Variants in RERE observed in about 807,000 individuals in gnomAD.
RERE encodes the protein arginine-glutamic acid dipeptide repeats protein.
In RERE, 40 loss-of-function variants were observed where a neutral mutation model predicts 146.1. That is an observed-to-expected ratio of 0.27 (90% CI 0.21 to 0.36). The LOEUF is 0.36. Ranked by LOEUF, RERE falls within the 10% of genes least tolerant of loss-of-function variation. The pLI is 1.00. For missense variants in RERE, 1,933 were observed against 2,138.7 expected, an observed-to-expected ratio of 0.90 and a Z score of 1.90; for synonymous variants, 1,003 against 866.0, an observed-to-expected ratio of 1.16 and a Z score of -2.78.
chr1:8,672,752 G>A (rs1005972017), intron 1 of RERE, among the ~76,000 whole-genome samples: 1 of 152,072 alleles, frequency 6.6e-6, no homozygotes, highest in African/African-American at 2.4e-5. Context: ...CAATCAATAT[G>A]TCAATCTTAT....
intron 1 of RERE, among the ~76,000 whole-genome samples, chr1:8,767,143 T>C (rs1306549347): frequency 6.6e-6 from 1 of 152,126 alleles, no homozygotes; most frequent in Non-Finnish European, 1.5e-5. Context: ...CTGTAAGTAG[T>C]TGGGTATCAC....
At chr1:8,631,462 C>A (rs1361549186) in intron 2 of RERE, among the ~76,000 whole-genome samples, 6 of 152,190 alleles carry the variant, frequency 3.9e-5, no homozygotes. Flanking sequence ...CAGCATGAAG[C>A]ATGACCCCCG....
chr1:8,466,012 G>A lies in RERE; in HGVS notation c.1116C>T (p.Ser372=), dbSNP rs776047842. The change falls in exon 11 of 23, where the codon AGC becomes AGT. Residue 372 remains serine, a synonymous_variant. Transcript: ENST00000400908. ...TLNALNTLHE[S]GYDAGKALQR... ...GCAGGGCTTTGCCAGCATCGTAACC[G>A]CTTTCATGCAGCTAAAACAACAACA... is the stretch of plus-strand genomic sequence containing the variant. The A allele has an allele frequency of 6.2e-6, 10 of 1,608,406 alleles. No individual in the cohort carries two copies. Among genetic ancestry groups the A allele is most frequent in the South Asian group, 3.3e-5 (3 of 90,998 alleles).
rs191159528 is a variant in RERE, at chr1:8,795,860, T to G, written c.-145+21300A>C. ...AGCTGGGCGTGGTGGCACATGCCTG[T>G]AATCCCAACTACTCAGGAGGCTGAG... is the stretch of plus-strand genomic sequence containing the variant. On this transcript the variant is annotated intron_variant, in intron 1 of 22. Coordinates refer to ENST00000400908, the MANE Select transcript of RERE (RefSeq NM_001042681.2). Among the ~76,000 whole-genome samples the G allele has an allele frequency of 1.3e-3, 197 of 151,812 alleles. 5 individuals carry two copies. In the East Asian group the frequency reaches 0.031, roughly 24 times the overall value.
intron 12 of RERE, among the ~76,000 whole-genome samples, chr1:8,373,232 T>C (rs548731505): frequency 6.6e-5 from 10 of 152,138 alleles, no homozygotes; most frequent in Non-Finnish European, 1.3e-4. Flanking sequence ...TATTTTAACA[T>C]GAATACAGAA....
intron 1 of RERE, among the ~76,000 whole-genome samples, chr1:8,735,327 G>C (rs1640174416): frequency 6.6e-6 from 1 of 152,088 alleles, no homozygotes; most frequent in African/African-American, 2.4e-5. Context: ...TATATGCATG[G>C]TACTGTAGGT....
At chr1:8,795,051 G>A (rs1278224008) in intron 1 of RERE, among the ~76,000 whole-genome samples, 4 of 151,894 alleles carry the variant, frequency 2.6e-5, no homozygotes, top group African/African-American at 2.4e-5. Context: ...CCCGCAAGAC[G>A]GAGTCTTGCT....
At chr1:8,633,707 G>C (rs936023371) in intron 2 of RERE, among the ~76,000 whole-genome samples, 1 of 152,008 alleles carries the variant, frequency 6.6e-6, no homozygotes, top group Non-Finnish European at 1.5e-5. Context: ...CAGGTGGATC[G>C]TGTGAGCCCA....
At chr1:8,637,536 T>C (rs1267435040) in intron 2 of RERE, among the ~76,000 whole-genome samples, 1 of 152,164 alleles carries the variant, frequency 6.6e-6, no homozygotes, top group African/African-American at 2.4e-5. Flanking sequence ...CTATCCTAAA[T>C]TCTCAGATTA....
Position 8,544,346 on chromosome 1 carries a change from G to C in RERE, c.726-3028C>G, listed in dbSNP as rs1645834066. On this transcript the variant is annotated intron_variant, in intron 6 of 22. Transcript: ENST00000400908. ...TCCTTCTTTGTACATTTTTATTGTT[G>C]CTATTATTCATGAAAGGTTTATTCA... Among the ~76,000 whole-genome samples, 2 of 151,728 alleles carry C rather than the reference G, an allele frequency of 1.3e-5. 1 individual carries two copies. The highest frequency in any genetic ancestry group is 4.2e-4 in the South Asian group (2 of 4,788).
chr1:8,384,429 A>T (rs1404453732), intron 12 of RERE, among the ~76,000 whole-genome samples: 1 of 152,316 alleles, frequency 6.6e-6, no homozygotes, highest in East Asian at 1.9e-4. Flanking sequence ...CCTGTATCTT[A>T]AAGGGGCATT....
intron 8 of RERE, among the ~76,000 whole-genome samples, chr1:8,507,958 C>T (rs1027919489): frequency 2.6e-5 from 4 of 152,078 alleles, no homozygotes; most frequent in African/African-American, 7.2e-5. Context: ...AGGCTGGTCT[C>T]GAACTCCTGA....
At chr1:8,462,465 C>T (rs563775260) in intron 11 of RERE, among the ~76,000 whole-genome samples, 18 of 152,312 alleles carry the variant, frequency 1.2e-4, no homozygotes, top group Admixed American at 2.6e-4. Flanking sequence ...GGCCAGGAAC[C>T]GAGCTGAGAC....
intron 8 of RERE, among the ~76,000 whole-genome samples, chr1:8,500,948 G>A (rs1483721440): frequency 6.8e-6 from 1 of 147,996 alleles, no homozygotes. Context: ...CGCCCCGTCT[G>A]AGAAGTGAGG....
chr1:8,793,165 A>T (rs1641395968), intron 1 of RERE, among the ~76,000 whole-genome samples: 1 of 146,112 alleles, frequency 6.8e-6, no homozygotes, highest in Admixed American at 7.0e-5. Context: ...TCCAAAAAAA[A>T]AAAAAAAAAA....
At chr1:8,420,914 A>G (rs150514837) in intron 12 of RERE, among the ~76,000 whole-genome samples, 1 of 152,314 alleles carries the variant, frequency 6.6e-6, no homozygotes, top group African/African-American at 2.4e-5. Flanking sequence ...GGAGTCACAC[A>G]TCATCAATAA....
chr1:8,794,323 A>G (rs1641423657), intron 1 of RERE, among the ~76,000 whole-genome samples: 1 of 134,054 alleles, frequency 7.5e-6, no homozygotes, highest in Non-Finnish European at 1.5e-5. Flanking sequence ...GTGCCACTGC[A>G]CTCCAGCCTG....
At chr1:8,670,775 T>TG (rs1638694381) in intron 1 of RERE, among the ~76,000 whole-genome samples, 1 of 152,122 alleles carries the variant, frequency 6.6e-6, no homozygotes, top group Non-Finnish European at 1.5e-5. Flanking sequence ...GAATTGGAGA[T>TG]GGAGAGATAG....
chr1:8,500,783 G>A (rs1012134574), intron 8 of RERE, among the ~76,000 whole-genome samples: 1 of 151,516 alleles, frequency 6.6e-6, no homozygotes, highest in African/African-American at 2.4e-5. Flanking sequence ...CTTCCCCGCC[G>A]CCCATCGTCT....
Sources: allele counts gnomAD v4.1 joint callset (sites outside exome capture counted in the v4.1 genomes callset), GRCh38; gene constraint gnomAD v4.1.1; transcripts MANE v1.5; gene names NCBI Gene and HGNC (gene_info 2026-07-23, HGNC 2026-07-21).